Variants in RBFOX1 observed in about 807,000 individuals in gnomAD.
RBFOX1 encodes RNA binding fox-1 homolog 1.
A neutral mutation model predicts 57.7 loss-of-function variants in RBFOX1; 8 were observed. That is an observed-to-expected ratio of 0.14 (90% confidence interval 0.08 to 0.25). The LOEUF (loss-of-function observed/expected upper bound fraction) is 0.25, where lower values mean the gene tolerates loss of function less well. Ranked by LOEUF, RBFOX1 falls within the 10% of genes least tolerant of loss-of-function variation. The pLI is 1.00. For synonymous variants in RBFOX1, 326 were observed against 222.4 expected (o/e 1.47, Z -4.15); for missense variants, 611 against 548.5 (o/e 1.11, Z -1.14).
intron 1 of RBFOX1, chr16:5,365,802 G>A (rs1288554952): frequency 1.9e-6 from 1 of 514,578 alleles, no homozygotes; most frequent in Non-Finnish European, 3.8e-6. Context: ...CCCAATGGAA[G>A]ATTCAGTGGA....
intron 3 of RBFOX1, among the ~76,000 whole-genome samples, chr16:5,730,359 T>C (rs17134927): frequency 0.16 from 24,601 of 152,074 alleles, 2,488 homozygotes; most frequent in East Asian, 0.34. Context: ...ATGGAGAGAA[T>C]GAGCCTAGAG....
rs951538100 is a variant in RBFOX1 at position 7,185,281 on chromosome 16, AT to A, written c.27+133192del. On this transcript the variant is annotated intron_variant, in intron 4 of 15. Coordinates refer to ENST00000550418, the MANE Select transcript of RBFOX1 (RefSeq NM_018723.4). ...CAAATTGAAGGAGGTGTTTGCACGTATTTTTTTTTCCCTAATGATTCTACTG... is the reference window on the plus strand; with the variant it reads ...CAAATTGAAGGAGGTGTTTGCACGTATTTTTTTTCCCTAATGATTCTACTG... 1.5e-3 allele frequency among the ~76,000 whole-genome samples: 230 copies of A among 151,384 alleles called. 2 individuals are homozygous for A. Among genetic ancestry groups the A allele is most frequent in the African/African-American group, 4.6e-3 (190 of 41,248 alleles).
chr16:6,758,755 A>G (rs2076179142), intron 3 of RBFOX1, among the ~76,000 whole-genome samples: 1 of 152,192 alleles, frequency 6.6e-6, no homozygotes, highest in Admixed American at 6.5e-5. Flanking sequence ...ACCTGACTAC[A>G]GGTCTTTTAA....
chr16:6,988,669 CAGCCTCAGCCTT>C (rs2090818739), intron 3 of RBFOX1, among the ~76,000 whole-genome samples: 1 of 151,540 alleles, frequency 6.6e-6, no homozygotes, highest in Non-Finnish European at 1.5e-5. Context: ...GCCTCAGCCT[CAGCCTCAGCCTT>C]AGCCTCCTGA....
intron 3 of RBFOX1, among the ~76,000 whole-genome samples, chr16:6,995,882 C>G (rs1223814178): frequency 6.6e-6 from 1 of 152,146 alleles, no homozygotes; most frequent in African/African-American, 2.4e-5. Flanking sequence ...TCTCTGCATC[C>G]TCCTATGTTT....
At chr16:5,691,447 T>G (rs1475394485) in intron 3 of RBFOX1, among the ~76,000 whole-genome samples, 2 of 152,214 alleles carry the variant, frequency 1.3e-5, no homozygotes, top group Non-Finnish European at 2.9e-5. Flanking sequence ...AATCAGTGGT[T>G]GAATATTTGT....
intron 4 of RBFOX1, among the ~76,000 whole-genome samples, chr16:7,122,564 C>CAATAAGATAAAAAAA (rs1359220906): frequency 1.7e-4 from 26 of 152,242 alleles, no homozygotes; most frequent in African/African-American, 6.3e-4. Flanking sequence ...AAAAAATTGA[C>CAATAAGATAAAAAAA]AAGACTTAGT....
intron 2 of RBFOX1, among the ~76,000 whole-genome samples, chr16:5,521,232 C>G (rs2044000793): frequency 6.6e-6 from 1 of 152,034 alleles, no homozygotes; most frequent in Non-Finnish European, 1.5e-5. Flanking sequence ...CACCAGGGTC[C>G]CCAACTCCTT....
chr16:7,653,763 G>A, intron 11 of RBFOX1, 52 bp from the exon 12 acceptor site: 1 of 1,598,270 alleles, frequency 6.3e-7, no homozygotes, highest in Admixed American at 1.7e-5. Context: ...CCACAGCAGG[G>A]TGTGCATCTG....
At chr16:6,343,144 C>T (rs922221418) in intron 2 of RBFOX1, among the ~76,000 whole-genome samples, 7 of 152,160 alleles carry the variant, frequency 4.6e-5, no homozygotes, top group Middle Eastern at 3.2e-3. Context: ...TACCCCTCTT[C>T]CTCTCTGTTC....
In RBFOX1 at chr16:7,021,881, C is replaced by CTCTT. The variant is rs143661149; in HGVS notation, c.-15-30162_-15-30159dup. Among the ~76,000 whole-genome samples the CTCTT allele has an allele frequency of 8.2e-5, 10 of 122,180 alleles. No individual in the cohort carries two copies. The South Asian group carries it at 8.4e-4, about 10-fold the overall frequency. 80.2% of individuals were successfully genotyped at this position (122,180 alleles called of 152,430 possible). A position where few individuals can be genotyped will look rare whatever the true frequency, so the allele number is the denominator to read the frequency against. ...TAAATTGCCAGAACCTTCTTTCTCT[C>CTCTT]TCTTTCTTTCTTTCTTTTCTTTCTT... On this transcript the variant is annotated intron_variant, in intron 3 of 15. Coordinates refer to ENST00000550418, the MANE Select transcript of RBFOX1 (RefSeq NM_018723.4).
chr16:6,851,923 TG>T (rs1032370510), intron 3 of RBFOX1, among the ~76,000 whole-genome samples: 3 of 107,822 alleles, frequency 2.8e-5, no homozygotes, highest in African/African-American at 9.4e-5. Context: ...TAGTTTCCAT[TG>T]GGTTTTTTTT....
intron 3 of RBFOX1, among the ~76,000 whole-genome samples, chr16:5,732,089 T>C (rs762579231): frequency 5.3e-5 from 8 of 152,236 alleles, no homozygotes; most frequent in Non-Finnish European, 1.2e-4. Flanking sequence ...TAAATGATAT[T>C]CCCATTGGTT....
At chr16:5,772,876 T>C (rs980800659) in intron 3 of RBFOX1, among the ~76,000 whole-genome samples, 1 of 151,898 alleles carries the variant, frequency 6.6e-6, no homozygotes. Context: ...AGGTCAAGAG[T>C]AGACCAGTAA....
At chr16:6,558,985 T>C (rs1463412696) in intron 2 of RBFOX1, among the ~76,000 whole-genome samples, 1 of 152,080 alleles carries the variant, frequency 6.6e-6, no homozygotes, top group Non-Finnish European at 1.5e-5. Flanking sequence ...AAATGCCGCT[T>C]CCTCCAGGAA....
intron 3 of RBFOX1, among the ~76,000 whole-genome samples, chr16:6,941,914 C>T (rs758855800): frequency 1.3e-5 from 2 of 152,010 alleles, no homozygotes; most frequent in African/African-American, 2.4e-5. Context: ...CTCAAGCAGT[C>T]CTCCCGCTTC....
At chr16:6,667,863 TG>T (rs1001588071) in intron 3 of RBFOX1, among the ~76,000 whole-genome samples, 13 of 151,962 alleles carry the variant, frequency 8.6e-5, no homozygotes, top group African/African-American at 2.7e-4. Context: ...CACTCCAGCC[TG>T]GGTGACAGAG....
chr16:7,576,688 C>T (rs1488964199), intron 5 of RBFOX1, among the ~76,000 whole-genome samples: 3 of 152,170 alleles, frequency 2.0e-5, no homozygotes, highest in Admixed American at 6.5e-5. Flanking sequence ...TTCACATGAG[C>T]GGTATAATGC....
intron 2 of RBFOX1, among the ~76,000 whole-genome samples, chr16:5,589,432 G>T (rs1288271807): frequency 6.6e-6 from 1 of 152,150 alleles, no homozygotes; most frequent in Non-Finnish European, 1.5e-5. Context: ...GAGGATGAGC[G>T]TTCTCTTTCT....
Sources: allele counts gnomAD v4.1 joint callset (sites outside exome capture counted in the v4.1 genomes callset), GRCh38; gene constraint gnomAD v4.1.1; transcripts MANE v1.5; gene names NCBI Gene and HGNC (gene_info 2026-07-23, HGNC 2026-07-21).